LOC122539214: variants seen among roughly 807,000 people sequenced by gnomAD.
chr19:52,685,712 C>T, the LOC122539214 span, among the ~76,000 whole-genome samples: 365 of 152,096 alleles, frequency 2.4e-3, 4 homozygotes, highest in African/African-American at 8.4e-3. Flanking sequence ...GCCTGGCAAA[C>T]ATGGTGAAAC....
chr19:52,687,616 G>GTATATATATATATAATGTATATA, the LOC122539214 span, among the ~76,000 whole-genome samples: 6 of 15,824 alleles, frequency 3.8e-4, no homozygotes, highest in East Asian at 4.0e-3. Context: ...TATATAATGT[G>GTATATATATATATAATGTATATA]TATATATATA....
the LOC122539214 span, among the ~76,000 whole-genome samples, chr19:52,689,032 C>T: frequency 1.3e-3 from 189 of 150,602 alleles, no homozygotes; most frequent in African/African-American, 4.2e-3. Flanking sequence ...TTATGTTTTA[C>T]AAATGTCTGT....
At chr19:52,676,998 G>A in the LOC122539214 span, among the ~76,000 whole-genome samples, 1 of 145,698 alleles carries the variant, frequency 6.9e-6, no homozygotes, top group African/African-American at 2.6e-5. Flanking sequence ...GCGGAAGGCC[G>A]CAGGGTCCTC....
the LOC122539214 span, among the ~76,000 whole-genome samples, chr19:52,674,453 C>T: frequency 6.6e-6 from 1 of 152,130 alleles, no homozygotes; most frequent in Non-Finnish European, 1.5e-5. Flanking sequence ...AGAAATCAAA[C>T]TCATCCAAAT....
the LOC122539214 span, among the ~76,000 whole-genome samples, chr19:52,668,579 A>G: frequency 1.3e-5 from 2 of 152,126 alleles, no homozygotes; most frequent in Admixed American, 6.5e-5. Flanking sequence ...TCCCAAATCT[A>G]TGAAATCAAA....
the LOC122539214 span, among the ~76,000 whole-genome samples, chr19:52,683,226 CTCTGTGTGTGTGTGTGTGTG>C: frequency 2.2e-5 from 3 of 135,768 alleles, no homozygotes; most frequent in South Asian, 7.5e-4. Flanking sequence ...TGCCCTGTGA[CTCTGTGTGTGTGTGTGTGTG>C]TGTGTGTGTG....
the LOC122539214 span, among the ~76,000 whole-genome samples, chr19:52,676,042 G>GCTCTCC: frequency 2.0e-5 from 3 of 152,136 alleles, no homozygotes; most frequent in East Asian, 1.9e-4. Flanking sequence ...TACAGCTCTC[G>GCTCTCC]CTCTCCCTCT....
the LOC122539214 span, among the ~76,000 whole-genome samples, chr19:52,680,772 C>T: frequency 5.5e-5 from 8 of 146,030 alleles, no homozygotes; most frequent in Non-Finnish European, 1.2e-4. Context: ...GCCACTACGC[C>T]CGGCTAATTT....
the LOC122539214 span, among the ~76,000 whole-genome samples, chr19:52,684,351 G>C: frequency 1.3e-5 from 2 of 151,902 alleles, no homozygotes; most frequent in African/African-American, 4.8e-5. Context: ...GGGTGACAGA[G>C]TGAGACTCAA....
chr19:52,681,113 C>A, the LOC122539214 span, among the ~76,000 whole-genome samples: 1 of 151,358 alleles, frequency 6.6e-6, no homozygotes, highest in Admixed American at 6.6e-5. Context: ...GGTAAAACCT[C>A]TTCTCTACTA....
chr19:52,687,915 G>A, the LOC122539214 span, among the ~76,000 whole-genome samples: 1 of 151,624 alleles, frequency 6.6e-6, no homozygotes, highest in Non-Finnish European at 1.5e-5. Context: ...CCCCACCCTG[G>A]GAAAAGGGAA....
chr19:52,684,736 A>G, the LOC122539214 span, among the ~76,000 whole-genome samples: 1 of 152,132 alleles, frequency 6.6e-6, no homozygotes, highest in East Asian at 1.9e-4. Flanking sequence ...GTGATCATTT[A>G]GGGACATAGG....
chr19:52,665,042 A>G, the LOC122539214 span, among the ~76,000 whole-genome samples: 1 of 152,214 alleles, frequency 6.6e-6, no homozygotes, highest in Non-Finnish European at 1.5e-5. Flanking sequence ...TGCAAACTAG[A>G]ATGCGAAATG....
the LOC122539214 span, among the ~76,000 whole-genome samples, chr19:52,675,518 G>A: frequency 6.6e-5 from 10 of 152,088 alleles, no homozygotes; most frequent in Non-Finnish European, 1.2e-4. Flanking sequence ...TGCACACACT[G>A]ATTTAAGCGG....
the LOC122539214 span, chr19:52,655,557 T>A: frequency 6.7e-7 from 1 of 1,493,548 alleles, no homozygotes. Context: ...GACATTTTCC[T>A]CACCCACAGA....
chr19:52,684,894 C>T, the LOC122539214 span, among the ~76,000 whole-genome samples: 2 of 152,236 alleles, frequency 1.3e-5, no homozygotes, highest in South Asian at 4.1e-4. Flanking sequence ...GGCTGTGGAG[C>T]CACAGTGAGG....
chr19:52,668,549 A>G, the LOC122539214 span, among the ~76,000 whole-genome samples: 1 of 151,984 alleles, frequency 6.6e-6, no homozygotes, highest in Non-Finnish European at 1.5e-5. Context: ...TCCCTCCTCC[A>G]CCTCCTACAG....
the LOC122539214 span, among the ~76,000 whole-genome samples, chr19:52,681,280 CAAAAAA>C: frequency 0.037 from 2,805 of 75,468 alleles, 102 homozygotes; most frequent in African/African-American, 0.11. Flanking sequence ...GAGACTTTCT[CAAAAAA>C]AAAAAAAAAA....
the LOC122539214 span, among the ~76,000 whole-genome samples, chr19:52,681,458 T>C: frequency 1.4e-3 from 219 of 152,286 alleles, no homozygotes; most frequent in Non-Finnish European, 2.5e-3. Flanking sequence ...AACTGAAAAC[T>C]GTTGTGATGA....
Sources: allele counts gnomAD v4.1 joint callset (sites outside exome capture counted in the v4.1 genomes callset), GRCh38; gene constraint gnomAD v4.1.1; transcripts MANE v1.5.